NAALADL2: variants seen among roughly 807,000 people sequenced by gnomAD.
NAALADL2 encodes inactive N-acetylated-alpha-linked acidic dipeptidase-like protein 2.
NAALADL2 carries 76 observed loss-of-function variants against 87.2 expected under a neutral mutation model. That is an observed-to-expected ratio of 0.87 (90% CI 0.72 to 1.05). NAALADL2 has a LOEUF of 1.05. NAALADL2 is among the 50% of genes least tolerant of loss of function. The probability of loss-of-function intolerance (pLI) is 0.00; values close to 1 mark genes in which losing one functional copy is unlikely to be tolerated. For missense variants in NAALADL2, 1,089 were observed against 945.8 expected (o/e 1.15, Z -1.99); for synonymous variants, 354 against 331.0 (o/e 1.07, Z -0.75).
intron 1 of NAALADL2, among the ~76,000 whole-genome samples, chr3:174,460,313 T>G (rs745820949): frequency 6.6e-5 from 10 of 152,104 alleles, no homozygotes; most frequent in Non-Finnish European, 1.3e-4. Context: ...CATTTAGCAT[T>G]TATTCCTATT....
At chr3:175,433,254 ACAT>A in intron 5 of NAALADL2, among the ~76,000 whole-genome samples, 1 of 152,134 alleles carries the variant, frequency 6.6e-6, no homozygotes, top group Admixed American at 6.6e-5. Context: ...CATCTAAGAA[ACAT>A]TCACAGTGTT....
chr3:174,761,070 G>A (rs1176010663), intron 3 of NAALADL2, among the ~76,000 whole-genome samples: 1 of 152,110 alleles, frequency 6.6e-6, no homozygotes, highest in Non-Finnish European at 1.5e-5. Context: ...CACTTCCATA[G>A]TAGTGCACCC....
At chr3:174,791,546 A>G (rs1039475327) in intron 3 of NAALADL2, among the ~76,000 whole-genome samples, 20 of 152,094 alleles carry the variant, frequency 1.3e-4, no homozygotes, top group African/African-American at 4.8e-4. Flanking sequence ...TTTATGAGCT[A>G]CTCAGTTTAT....
intron 13 of NAALADL2, among the ~76,000 whole-genome samples, chr3:175,789,054 T>TTA (rs1752463856): frequency 6.6e-6 from 1 of 151,824 alleles, no homozygotes; most frequent in Admixed American, 6.6e-5. Context: ...GTTTCTTTTG[T>TTA]TTTATTATAA....
At chr3:175,223,507 C>T (rs186195643) in intron 2 of NAALADL2, among the ~76,000 whole-genome samples, 96 of 152,046 alleles carry the variant, frequency 6.3e-4, no homozygotes, top group Non-Finnish European at 1.1e-3. Flanking sequence ...TTATAGATAC[C>T]ACATATTCTT....
At chr3:175,010,964 G>T (rs1042945219) in intron 1 of NAALADL2, among the ~76,000 whole-genome samples, 16 of 152,068 alleles carry the variant, frequency 1.1e-4, no homozygotes, top group African/African-American at 3.6e-4. Context: ...TTGGTATAAA[G>T]TAATAAAGAG....
chr3:174,802,657 G>A (rs192229891), intron 3 of NAALADL2, among the ~76,000 whole-genome samples: 86 of 152,158 alleles, frequency 5.7e-4, no homozygotes, highest in Admixed American at 1.8e-3. Flanking sequence ...GACAGGCCCC[G>A]GTGTGTGATG....
chr3:175,665,882 G>A (rs1285371407), intron 11 of NAALADL2, among the ~76,000 whole-genome samples: 1 of 152,074 alleles, frequency 6.6e-6, no homozygotes, highest in South Asian at 2.1e-4. Context: ...AGTGAGCCAA[G>A]ATCGCGCCAC....
chr3:175,613,351 G>A (rs1024826718), intron 10 of NAALADL2, among the ~76,000 whole-genome samples: 21 of 152,116 alleles, frequency 1.4e-4, no homozygotes, highest in African/African-American at 5.1e-4. Flanking sequence ...CATATGTTCT[G>A]TCTTAAAAAT....
intron 1 of NAALADL2, among the ~76,000 whole-genome samples, chr3:174,978,433 T>C (rs1326407258): frequency 6.6e-6 from 1 of 152,180 alleles, no homozygotes; most frequent in African/African-American, 2.4e-5. Flanking sequence ...TTTTTTATAA[T>C]ATAATTTATT....
At chr3:175,302,821 GA>G (rs951535736) in intron 4 of NAALADL2, among the ~76,000 whole-genome samples, 22 of 143,860 alleles carry the variant, frequency 1.5e-4, no homozygotes, top group Non-Finnish European at 2.1e-4. Flanking sequence ...TTGACCTGTC[GA>G]AACGTGTGTG....
At chr3:174,742,881 A>T (rs1733890968) in intron 3 of NAALADL2, among the ~76,000 whole-genome samples, 1 of 151,728 alleles carries the variant, frequency 6.6e-6, no homozygotes, top group East Asian at 1.9e-4. Context: ...AATACAAAAT[A>T]ACAATGATGT....
At chr3:175,261,187 T>C (rs2109895451) in intron 4 of NAALADL2, among the ~76,000 whole-genome samples, 1 of 152,266 alleles carries the variant, frequency 6.6e-6, no homozygotes, top group Admixed American at 6.5e-5. Flanking sequence ...TTCGTCACAA[T>C]GTACTCACAT....
At chr3:175,734,788 T>C (rs947886943) in intron 11 of NAALADL2, among the ~76,000 whole-genome samples, 1 of 152,118 alleles carries the variant, frequency 6.6e-6, no homozygotes, top group East Asian at 1.9e-4. Context: ...GCCTGGCCCA[T>C]GAAACTATTT....
At chr3:174,767,378 A>G (rs1269800093) in intron 3 of NAALADL2, among the ~76,000 whole-genome samples, 2 of 152,178 alleles carry the variant, frequency 1.3e-5, no homozygotes. Flanking sequence ...GACTTTTACC[A>G]GGAAACACAT....
chr3:174,887,091 C>T (rs891619980), intron 1 of NAALADL2, among the ~76,000 whole-genome samples: 3 of 152,180 alleles, frequency 2.0e-5, no homozygotes, highest in African/African-American at 7.2e-5. Flanking sequence ...CATCTTCTTG[C>T]CTGCCATCTG....
intron 13 of NAALADL2, among the ~76,000 whole-genome samples, chr3:175,771,571 G>C (rs906658555): frequency 6.6e-6 from 1 of 152,098 alleles, no homozygotes; most frequent in Non-Finnish European, 1.5e-5. Context: ...GTTCCCTGTG[G>C]CTGTGGCATT....
At chr3:175,051,391 A>G (rs1450775767) in intron 1 of NAALADL2, among the ~76,000 whole-genome samples, 1 of 152,090 alleles carries the variant, frequency 6.6e-6, no homozygotes, top group Non-Finnish European at 1.5e-5. Flanking sequence ...GGCAACATTC[A>G]AGTCTGGACA....
chr3:175,346,497 T>C (rs1763172580), intron 5 of NAALADL2, among the ~76,000 whole-genome samples: 1 of 152,198 alleles, frequency 6.6e-6, no homozygotes, highest in Admixed American at 6.5e-5. Context: ...TCTATCTAAA[T>C]GTGTTTTTAC....
Sources: allele counts gnomAD v4.1 joint callset (sites outside exome capture counted in the v4.1 genomes callset), GRCh38; gene constraint gnomAD v4.1.1; transcripts MANE v1.5; gene names NCBI Gene and HGNC (gene_info 2026-07-23, HGNC 2026-07-21).